The following FBXO34 variants were observed in gnomAD, a reference collection of about 807,000 sequenced individuals.
The protein encoded by FBXO34 is F-box only protein 34.
In FBXO34, 12 loss-of-function variants were observed where a neutral mutation model predicts 24.5. The ratio of observed to expected loss-of-function variants is 0.49; its 90% confidence interval spans 0.31 to 0.79. The LOEUF (loss-of-function observed/expected upper bound fraction) is 0.79, where lower values mean the gene tolerates loss of function less well. Ranked by LOEUF, FBXO34 falls within the 30% of genes least tolerant of loss-of-function variation. FBXO34 has a pLI of 0.04. For synonymous variants in FBXO34, 320 were observed against 311.9 expected (o/e 1.03, Z -0.27); for missense variants, 823 against 857.7 (o/e 0.96, Z 0.51).
chr14:55,286,541 G>A (rs747014305), intron 1 of FBXO34, among the ~76,000 whole-genome samples: 10 of 152,092 alleles, frequency 6.6e-5, no homozygotes, highest in African/African-American at 1.4e-4. Flanking sequence ...TGTCCCTTTA[G>A]TCTATGTTGC....
At chr14:55,309,870 G>A (rs1399291121) in intron 1 of FBXO34, among the ~76,000 whole-genome samples, 1 of 152,180 alleles carries the variant, frequency 6.6e-6, no homozygotes, top group African/African-American at 2.4e-5. Context: ...CATTCGTAAT[G>A]CATTTATCTT....
At chr14:55,432,442 A>AACAAAAAAAAAAC in the FBXO34 span, among the ~76,000 whole-genome samples, 8,710 of 149,030 alleles carry the variant, frequency 0.058, 326 homozygotes, top group Non-Finnish European at 0.084. Flanking sequence ...ATAAACAAAC[A>AACAAAAAAAAAAC]ACAAAAAAAA....
At chr14:55,338,175 G>T (rs920138421) in intron 1 of FBXO34, among the ~76,000 whole-genome samples, 1 of 150,046 alleles carries the variant, frequency 6.7e-6, no homozygotes, top group African/African-American at 2.5e-5. Flanking sequence ...TCAGTCTCCT[G>T]GGTAGCTGGG....
chr14:55,329,539 A>G (rs1397660114), intron 1 of FBXO34, among the ~76,000 whole-genome samples: 1 of 152,192 alleles, frequency 6.6e-6, no homozygotes, highest in African/African-American at 2.4e-5. Flanking sequence ...TGACACTTGA[A>G]TCACTCCTTT....
the FBXO34 span, among the ~76,000 whole-genome samples, chr14:55,390,685 T>C: frequency 0.02 from 3,030 of 152,312 alleles, 80 homozygotes; most frequent in African/African-American, 0.069. Context: ...ACTTTTTTAA[T>C]TGAGAAAAGA....
At chr14:55,432,442 A>AAAAAAAAC in the FBXO34 span, among the ~76,000 whole-genome samples, 11 of 149,082 alleles carry the variant, frequency 7.4e-5, no homozygotes, top group Admixed American at 7.3e-4. Context: ...ATAAACAAAC[A>AAAAAAAAC]ACAAAAAAAA....
intron 1 of FBXO34, among the ~76,000 whole-genome samples, chr14:55,310,038 T>TG (rs35583594): frequency 0.4 from 60,108 of 151,922 alleles, 12,150 homozygotes; most frequent in Non-Finnish European, 0.42. Flanking sequence ...TGAAATAGTT[T>TG]GGAAAACTCA....
chr14:55,378,867 A>C, the FBXO34 span, among the ~76,000 whole-genome samples: 61 of 152,044 alleles, frequency 4.0e-4, no homozygotes, highest in East Asian at 0.012. Context: ...CACCACATCC[A>C]GCTAATTTTT....
In FBXO34 at chr14:55,302,437, CTG is replaced by C. The variant is rs534015852; in HGVS notation, c.-11+30902_-11+30903del. 3.1e-3 allele frequency among the ~76,000 whole-genome samples: 459 copies of C among 146,818 alleles called. 5 individuals carry two copies. Among genetic ancestry groups the C allele is most frequent in the African/African-American group, 0.011 (449 of 39,674 alleles). ...ATAGCCTTGTTCTCATCAAGTGACT[CTG>C]TAGCCTCTTTTTTGTTTTTTTTTTT... On this transcript the variant is annotated intron_variant, in intron 1 of 1. Coordinates refer to ENST00000313833, the MANE Select transcript of FBXO34 (RefSeq NM_017943.4).
the FBXO34 span, among the ~76,000 whole-genome samples, chr14:55,380,876 T>TATATATATATATATA: frequency 3.8e-4 from 32 of 84,304 alleles, no homozygotes; most frequent in African/African-American, 1.8e-3. Context: ...TATATATATA[T>TATATATATATATATA]TTTTTTTTTT....
chr14:55,411,984 C>G, the FBXO34 span: 1 of 658,778 alleles, frequency 1.5e-6, no homozygotes, highest in Non-Finnish European at 2.6e-6. Context: ...TTTTTCCGGT[C>G]TGCTGAGGGG....
the FBXO34 span, among the ~76,000 whole-genome samples, chr14:55,406,006 G>T: frequency 6.6e-6 from 1 of 152,166 alleles, no homozygotes; most frequent in Non-Finnish European, 1.5e-5. Context: ...AAGTTGTAGG[G>T]AAGTCTTCCC....
the FBXO34 span, among the ~76,000 whole-genome samples, chr14:55,379,523 C>T: frequency 1.3e-4 from 20 of 152,002 alleles, no homozygotes; most frequent in African/African-American, 3.9e-4. Context: ...CCAGCCTGGA[C>T]GACAGAGTGA....
At chr14:55,347,058 G>T (rs555551837) in intron 1 of FBXO34, among the ~76,000 whole-genome samples, 1 of 152,266 alleles carries the variant, frequency 6.6e-6, no homozygotes, top group East Asian at 1.9e-4. Context: ...CGGGCCTAGG[G>T]GATCTTAATT....
At chr14:55,389,891 G>C in the FBXO34 span, among the ~76,000 whole-genome samples, 1 of 151,990 alleles carries the variant, frequency 6.6e-6, no homozygotes, top group African/African-American at 2.4e-5. Context: ...AACGATCTAT[G>C]ATAAAGTATA....
chr14:55,358,727 G>A (rs1209467993), intron 3 of FBXO34, among the ~76,000 whole-genome samples: 2 of 152,156 alleles, frequency 1.3e-5, no homozygotes, highest in East Asian at 3.9e-4. Context: ...GGTAGTAGTG[G>A]GTGGGGTAGT....
At position 55,292,542 on chromosome 14, in the gene FBXO34, C is replaced by T. The variant is rs113928907; in HGVS notation, c.-11+21005C>T. Among the ~76,000 whole-genome samples the T allele has an allele frequency of 9.3e-3, 1,418 of 151,750 alleles. 32 individuals carry two copies. The highest frequency in any genetic ancestry group is 0.033 in the African/African-American group (1,369 of 41,414). ...GCCTGGCTAATTTTTGTATTTTTCT[C>T]AGTAGAGATGTGGTTTCACCATGTT... On this transcript the variant is annotated intron_variant, in intron 1 of 1. Transcript: ENST00000313833.
chr14:55,350,324 AT>A, intron 1 of FBXO34, 56 bp from the exon 2 acceptor site: 2 of 1,338,612 alleles, frequency 1.5e-6, no homozygotes, highest in South Asian at 1.7e-5. Context: ...ATTTAAAAAC[AT>A]TTTTTTCTAA....
chr14:55,350,823 G>A lies in FBXO34; in HGVS notation c.433G>A (p.Gly145Arg). The A allele has an allele frequency of 6.2e-7, 1 of 1,612,214 alleles. No individual in the cohort carries two copies. Among genetic ancestry groups the A allele is most frequent in the Non-Finnish European group, 8.5e-7 (1 of 1,179,500 alleles). The change falls in exon 2 of 2, where the codon GGG becomes AGG. Residue 145 changes from glycine to arginine, a missense_variant. Around this residue, in one of 2 missense-constraint regions of FBXO34, gnomAD observed 693 missense variants for 659.1 expected, o/e 1.05. Transcript: ENST00000313833. Reference protein sequence around the residue: ...MKIKSSWDIDGRATKRRKKSG... With the variant: ...MKIKSSWDIDRRATKRRKKSG... Reference sequence around the variant, plus strand: ...AATAAAAAGTTCCTGGGATATTGATGGGAGAGCTACTAAGAGAAGGAAAAA... The same window carrying A: ...AATAAAAAGTTCCTGGGATATTGATAGGAGAGCTACTAAGAGAAGGAAAAA...
Sources: gnomAD v4.1 joint callset for allele counts (sites outside exome capture counted in the v4.1 genomes callset) on GRCh38, gnomAD v4.1.1 for gene constraint, gnomAD v4.1.1 regional missense constraint, MANE v1.5 for transcripts, NCBI Gene and HGNC (gene_info 2026-07-23, HGNC 2026-07-21) for gene names.